RNF180: variants seen among roughly 807,000 people sequenced by gnomAD.
RNF180 encodes the protein E3 ubiquitin-protein ligase RNF180.
Under a neutral mutation model 59.2 loss-of-function variants are expected in RNF180, and 38 were observed. The ratio of observed to expected loss-of-function variants is 0.64; its 90% CI spans 0.50 to 0.84. The LOEUF is 0.84. Among genes scored for constraint, RNF180 ranks in the 40% least tolerant of loss-of-function variants. RNF180 has a pLI of 0.00. For synonymous variants in RNF180, 262 were observed against 240.3 expected (o/e 1.09, Z -0.84); for missense variants, 705 against 700.9 (o/e 1.01, Z -0.07).
chr5:64,223,833 T>C (rs901093774), intron 5 of RNF180, among the ~76,000 whole-genome samples: 2 of 152,174 alleles, frequency 1.3e-5, no homozygotes, highest in Non-Finnish European at 2.9e-5. Context: ...GAATGAAATA[T>C]CATCGCTTCC....
chr5:64,183,509 A>G (rs1221851171), intron 1 of RNF180, among the ~76,000 whole-genome samples: 1 of 120,050 alleles, frequency 8.3e-6, no homozygotes. Context: ...GTGTTGTGGC[A>G]CTATCTTGTC....
In RNF180 at chr5:64,333,885, CT is replaced by C. The variant is rs943934099; in HGVS notation, c.1579+3480del. ...GGAGCTCAGCTGAGCTGGGAAAGAG[CT>C]GAGTTATCAGGTGTCTGGAGTAGCC... On this transcript the variant is annotated intron_variant, in intron 7 of 7. Coordinates refer to ENST00000389100, the MANE Select transcript of RNF180 (RefSeq NM_001113561.2). Among the ~76,000 whole-genome samples, 46 of 152,278 alleles carry C rather than the reference CT, an allele frequency of 3.0e-4. 1 individual carries two copies. Among genetic ancestry groups the C allele is most frequent in the Admixed American group, 2.9e-3 (45 of 15,292 alleles).
At chr5:64,316,940 C>CAGTAGG (rs1744070003) in intron 5 of RNF180, among the ~76,000 whole-genome samples, 1 of 152,202 alleles carries the variant, frequency 6.6e-6, no homozygotes, top group African/African-American at 2.4e-5. Flanking sequence ...TCAATTCCTA[C>CAGTAGG]AGTAGGCCCT....
chr5:64,237,861 T>C (rs904573950), intron 5 of RNF180, among the ~76,000 whole-genome samples: 59 of 152,092 alleles, frequency 3.9e-4, no homozygotes, highest in African/African-American at 1.4e-3. Flanking sequence ...CCAACCCCGC[T>C]TTCACTCTCC....
At chr5:64,212,044 T>C (rs1494637) in intron 2 of RNF180, 21 bp from the exon 3 acceptor site, 4 of 1,315,746 alleles carry the variant, frequency 3.0e-6, no homozygotes, top group Non-Finnish European at 4.4e-6. Context: ...ATTAGTAATA[T>C]CATTTATTTT....
At chr5:64,351,629 G>T (rs1204636394) in intron 7 of RNF180, among the ~76,000 whole-genome samples, 3 of 151,618 alleles carry the variant, frequency 2.0e-5, no homozygotes. Context: ...GTTGAATTTT[G>T]TCAAAGGCCT....
chr5:64,260,465 A>G (rs927413704), intron 5 of RNF180, among the ~76,000 whole-genome samples: 6 of 152,176 alleles, frequency 3.9e-5, no homozygotes, highest in African/African-American at 1.4e-4. Flanking sequence ...TATTGGGTTA[A>G]AAGTCTTGGA....
chr5:64,173,834 GC>G (rs1750079838), intron 1 of RNF180, among the ~76,000 whole-genome samples: 1 of 151,614 alleles, frequency 6.6e-6, no homozygotes, highest in African/African-American at 2.4e-5. Flanking sequence ...TCCTGCCTCA[GC>G]CTCCTGAGTA....
At chr5:64,177,526 CATATATAT>C (rs58046669) in intron 1 of RNF180, among the ~76,000 whole-genome samples, 1,262 of 105,160 alleles carry the variant, frequency 0.012, 20 homozygotes, top group East Asian at 0.03. Context: ...TAAATTATGC[CATATATAT>C]ATATATATAT....
chr5:64,285,721 C>G (rs1278792490), intron 5 of RNF180, among the ~76,000 whole-genome samples: 1 of 152,018 alleles, frequency 6.6e-6, no homozygotes, highest in East Asian at 1.9e-4. Context: ...TGGACTATCT[C>G]TGTCCTACAG....
At chr5:64,331,778 G>A (rs1744919771) in intron 7 of RNF180, among the ~76,000 whole-genome samples, 1 of 152,130 alleles carries the variant, frequency 6.6e-6, no homozygotes, top group African/African-American at 2.4e-5. Context: ...CATTGACGGT[G>A]ACAAGACAAG....
intron 5 of RNF180, among the ~76,000 whole-genome samples, chr5:64,246,719 C>A (rs1561215150): frequency 6.6e-6 from 1 of 152,160 alleles, no homozygotes; most frequent in African/African-American, 2.4e-5. Context: ...TGAAACTATT[C>A]CAAACAATAG....
chr5:64,312,431 A>G (rs1254992680), intron 5 of RNF180, among the ~76,000 whole-genome samples: 1 of 152,108 alleles, frequency 6.6e-6, no homozygotes, highest in African/African-American at 2.4e-5. Flanking sequence ...ACACATTCAA[A>G]TATTTGTTAA....
intron 5 of RNF180, among the ~76,000 whole-genome samples, chr5:64,282,810 T>C (rs1742078345): frequency 6.6e-6 from 1 of 152,244 alleles, no homozygotes; most frequent in African/African-American, 2.4e-5. Context: ...CATGTGACTA[T>C]ATGCTTTTCA....
intron 5 of RNF180, among the ~76,000 whole-genome samples, chr5:64,293,303 T>G (rs1438318347): frequency 6.6e-6 from 1 of 152,112 alleles, no homozygotes; most frequent in Non-Finnish European, 1.5e-5. Flanking sequence ...TTGAGTTGTC[T>G]GCCTAGTCAG....
At chr5:64,319,492 G>C (rs1027894492) in intron 5 of RNF180, among the ~76,000 whole-genome samples, 1 of 152,182 alleles carries the variant, frequency 6.6e-6, no homozygotes. Flanking sequence ...GTTAACAATT[G>C]ATGAACCTAA....
chr5:64,178,351 A>G (rs1750374466), intron 1 of RNF180, among the ~76,000 whole-genome samples: 1 of 152,168 alleles, frequency 6.6e-6, no homozygotes, highest in Non-Finnish European at 1.5e-5. Flanking sequence ...CCATTGGCAG[A>G]CAATATTGGA....
intron 7 of RNF180, among the ~76,000 whole-genome samples, chr5:64,351,585 C>T (rs1204668727): frequency 6.6e-6 from 1 of 151,776 alleles, no homozygotes; most frequent in Admixed American, 6.6e-5. Flanking sequence ...CCCATCAATA[C>T]CTAATTTATT....
At chr5:64,220,894 C>T (rs1188804836) in intron 5 of RNF180, among the ~76,000 whole-genome samples, 2 of 151,944 alleles carry the variant, frequency 1.3e-5, no homozygotes, top group Non-Finnish European at 2.9e-5. Context: ...TTTCAGTGAG[C>T]TAAATGAATT....
Sources: allele counts gnomAD v4.1 joint callset (sites outside exome capture counted in the v4.1 genomes callset), GRCh38; gene constraint gnomAD v4.1.1; transcripts MANE v1.5; gene names NCBI Gene and HGNC (gene_info 2026-07-23, HGNC 2026-07-21).